Variants in SOD2 observed in about 807,000 individuals in gnomAD.
SOD2 encodes the protein superoxide dismutase 2, also known as superoxide dismutase [Mn], mitochondrial.
Under a neutral mutation model 27.0 loss-of-function variants are expected in SOD2, and 11 were observed. The ratio of observed to expected loss-of-function variants is 0.41; its 90% confidence interval spans 0.26 to 0.67. The LOEUF is 0.67. SOD2 is among the 30% of genes least tolerant of loss of function. The pLI, the probability that SOD2 is intolerant of heterozygous loss-of-function variation, is 0.34. For missense variants in SOD2, 250 were observed against 274.5 expected, an observed-to-expected ratio of 0.91 and a Z score of 0.63; for synonymous variants, 105 against 103.0, an observed-to-expected ratio of 1.02 and a Z score of -0.12.
rs561151611 is a variant in SOD2 at position 159,677,249 on chromosome 6, C to T, written c.*5244G>A. ...ACACACTGAAAGATGACTAGCATGT[C>T]ATAGGAACTTGAAAGCATTCGTGCT... is the stretch of plus-strand genomic sequence containing the variant. On this transcript the variant is annotated 3_prime_UTR_variant, in exon 5 of 5. Coordinates refer to ENST00000538183, the MANE Select transcript of SOD2 (RefSeq NM_000636.4). The T allele has an allele frequency of 6.6e-6, 1 of 152,248 alleles. No individual in the cohort carries two copies. The highest frequency in any genetic ancestry group is 6.5e-5 in the Admixed American group (1 of 15,282). The allele number at this position is 152,248 out of a possible 1,614,324, so 9.4% of individuals were successfully genotyped here.
At chr6:159,712,329 TCACCCTAACCACCTCCATA>T (rs1777819714) in intron 1 of SOD2, among the ~76,000 whole-genome samples, 2 of 105,056 alleles carry the variant, frequency 1.9e-5, no homozygotes, top group Non-Finnish European at 4.2e-5. Context: ...ACTGCTCTGA[TCACCCTAACCACCTCCATA>T]ACCACCACTC....
rs1779790446 is a variant in SOD2, at chr6:159,676,773, GC to G, written c.*5719del. On this transcript the variant is annotated 3_prime_UTR_variant, in exon 5 of 5. Transcript: ENST00000538183. ...AAAATAAATAAGTAAAAAATAAAAT[GC>G]CAGAGTTGGCACCTTAAGATCCTCT... is the stretch of plus-strand genomic sequence containing the variant. 1 of 152,122 alleles carries G rather than the reference GC, an allele frequency of 6.6e-6. No individual in the cohort carries two copies. Among genetic ancestry groups the G allele is most frequent in the South Asian group, 2.1e-4 (1 of 4,818 alleles). The allele number at this position is 152,122 out of a possible 1,614,324, so 9.4% of individuals were successfully genotyped here.
At chr6:159,727,388 A>AGGCGGGAGGCGGGG, upstream of SOD2, 5 of 839,516 alleles carry the variant, frequency 6.0e-6, no homozygotes, top group African/African-American at 2.6e-5. Context: ...GGGAGGCGGG[A>AGGCGGGAGGCGGGG]GGCGGGAGGC....
In SOD2 at chr6:159,732,812, C is replaced by A. The variant is rs144125200; in HGVS notation, c.-116+12318G>T. ...GCACTCCAGCCTGGGCAACAGAGAC[C>A]GGGCGCAGGGGGAGGGGGAGTGTCT... is the stretch of plus-strand genomic sequence containing the variant. On this transcript the variant is annotated intron_variant, in intron 1 of 3. Transcript: ENST00000537657. Among the ~76,000 whole-genome samples the A allele has an allele frequency of 6.3e-4, 96 of 151,572 alleles. 2 individuals carry two copies. The East Asian group carries it at 0.018, about 29-fold the overall frequency.
chr6:159,690,147 C>T (rs956500272), intron 2 of SOD2, among the ~76,000 whole-genome samples: 2 of 148,300 alleles, frequency 1.3e-5, no homozygotes, highest in African/African-American at 5.0e-5. Flanking sequence ...AGTAGCCAGG[C>T]GTGGTGGCGT....
At chr6:159,718,467 A>C (rs1583044563) in intron 1 of SOD2, among the ~76,000 whole-genome samples, 2 of 152,182 alleles carry the variant, frequency 1.3e-5, no homozygotes, top group Non-Finnish European at 2.9e-5. Flanking sequence ...AATTATGATA[A>C]CAATCTACTG....
intron 1 of SOD2, among the ~76,000 whole-genome samples, chr6:159,721,809 G>A (rs1422477716): frequency 6.6e-6 from 1 of 150,412 alleles, no homozygotes; most frequent in African/African-American, 2.4e-5. Context: ...ACAGGCGTAA[G>A]CCACCACACC....
upstream of SOD2, among the ~76,000 whole-genome samples, chr6:159,697,240 A>G (rs1156286584): frequency 6.6e-6 from 1 of 152,156 alleles, no homozygotes; most frequent in Non-Finnish European, 1.5e-5. Flanking sequence ...TACCTTAGCT[A>G]CATTCTCTTG....
chr6:159,726,557 A>G, intron 1 of SOD2: 1 of 343,638 alleles, frequency 2.9e-6, no homozygotes, highest in Non-Finnish European at 5.7e-6. Context: ...CACGTTCTCC[A>G]GGTAACACCG....
intron 4 of SOD2, among the ~76,000 whole-genome samples, chr6:159,683,216 G>T (rs1562416955): frequency 6.6e-6 from 1 of 152,216 alleles, no homozygotes; most frequent in Non-Finnish European, 1.5e-5. Flanking sequence ...GGGCGCAGTG[G>T]CTCAGGCCTG....
Position 159,688,258 on chromosome 6 carries a change from G to A in SOD2, c.227-16C>T. 1 of 1,492,102 alleles carries A rather than the reference G, an allele frequency of 6.7e-7. No individual in the cohort carries two copies. The highest frequency in any genetic ancestry group is 9.4e-7 in the Non-Finnish European group (1 of 1,069,416). The allele number at this position is 1,492,102 out of a possible 1,614,324, so 92.4% of individuals were successfully genotyped here. A position where few individuals can be genotyped will look rare whatever the true frequency, so the allele number is the denominator to read the frequency against. ...GTAACATCTCCTGAAAAGTTAAAATGCAAACACATTTTTTTGTAACTCCTA... is the reference window on the plus strand; with the variant it reads ...GTAACATCTCCTGAAAAGTTAAAATACAAACACATTTTTTTGTAACTCCTA... On this transcript the variant is annotated splice_polypyrimidine_tract_variant and intron_variant, in intron 2 of 4. Coordinates refer to ENST00000538183, the MANE Select transcript of SOD2 (RefSeq NM_000636.4).
At chr6:159,727,795 C>T (rs1320062603), upstream of SOD2, 3 of 925,986 alleles carry the variant, frequency 3.2e-6, no homozygotes, top group African/African-American at 1.8e-5. Flanking sequence ...AAGGGGCGGG[C>T]AGGGCCCGAA....
chr6:159,754,896 T>G, intron 1 of SOD2: 1 of 994,278 alleles, frequency 1.0e-6, no homozygotes, highest in Non-Finnish European at 1.4e-6. Context: ...AATTTTTAAA[T>G]GTAGTGTGAT....
rs1398528032 is a variant in SOD2, at chr6:159,679,664, A to T, written c.*2829T>A. The T allele has an allele frequency of 6.6e-6, 1 of 152,262 alleles. No individual in the cohort carries two copies. The highest frequency in any genetic ancestry group is 1.9e-4 in the East Asian group (1 of 5,202). The allele number at this position is 152,262 out of a possible 1,614,324, so 9.4% of individuals were successfully genotyped here. A position where few individuals can be genotyped will look rare whatever the true frequency, so the allele number is the denominator to read the frequency against. Reference sequence around the variant, plus strand: ...ACACTAATCATGCTGAGGTTTTTGAAGCACAGCTATGACTAGGGCAGGCAC... The same window carrying T: ...ACACTAATCATGCTGAGGTTTTTGATGCACAGCTATGACTAGGGCAGGCAC... On this transcript the variant is annotated 3_prime_UTR_variant, in exon 5 of 5. Transcript: ENST00000538183.
At chr6:159,734,902 CTT>C (rs1778809906) in intron 1 of SOD2, among the ~76,000 whole-genome samples, 1 of 151,456 alleles carries the variant, frequency 6.6e-6, no homozygotes. Flanking sequence ...CACATTTTTT[CTT>C]TGTCTTTTTT....
At chr6:159,750,898 G>A (rs1360848086) in intron 1 of SOD2, among the ~76,000 whole-genome samples, 3 of 152,238 alleles carry the variant, frequency 2.0e-5, no homozygotes, top group East Asian at 1.9e-4. Context: ...TTGCGTGCAC[G>A]CGCACGCACG....
intron 1 of SOD2, among the ~76,000 whole-genome samples, chr6:159,732,917 G>GTGTGTT (rs1387845552): frequency 2.9e-5 from 4 of 139,064 alleles, no homozygotes; most frequent in Admixed American, 1.5e-4. Context: ...GTGTGTGTGT[G>GTGTGTT]TAAAATTGAT....
chr6:159,725,741 C>T (rs1427912377), intron 1 of SOD2: 1 of 151,530 alleles, frequency 6.6e-6, no homozygotes, highest in Non-Finnish European at 1.5e-5. Flanking sequence ...TAAGCATATA[C>T]ACATAAATAT....
chr6:159,749,385 T>TA (rs2114949373), upstream of SOD2: 1 of 985,726 alleles, frequency 1.0e-6, no homozygotes, highest in African/African-American at 1.7e-5. Context: ...CCTTTTGTAT[T>TA]GCACTCTTGA....
Sources: gnomAD v4.1 joint callset for allele counts (sites outside exome capture counted in the v4.1 genomes callset) on GRCh38, gnomAD v4.1.1 for gene constraint, MANE v1.5 for transcripts, NCBI Gene and HGNC (gene_info 2026-07-23, HGNC 2026-07-21) for gene names.